The following LRRC7 variants were observed in gnomAD, a reference collection of about 807,000 sequenced individuals.
LRRC7 encodes leucine-rich repeat-containing protein 7.
LRRC7 carries 23 observed loss-of-function variants against 175.7 expected under a neutral mutation model. That is an observed-to-expected ratio of 0.13 (90% CI 0.09 to 0.19). The LOEUF (loss-of-function observed/expected upper bound fraction) is 0.19. Ranked by LOEUF, LRRC7 falls within the 10% of genes least tolerant of loss-of-function variation. The pLI is 1.00. For missense variants in LRRC7, 1,354 were observed against 1,904.7 expected (o/e 0.71, Z 5.38); for synonymous variants, 685 against 680.9 (o/e 1.01, Z -0.09).
chr1:69,905,374 A>C (rs909610217), intron 7 of LRRC7, among the ~76,000 whole-genome samples: 1 of 152,096 alleles, frequency 6.6e-6, no homozygotes, highest in Non-Finnish European at 1.5e-5. Context: ...GTCATTTAGC[A>C]TTAGGTATAT....
chr1:69,776,283 A>G (rs1401384089), intron 3 of LRRC7, among the ~76,000 whole-genome samples: 1 of 152,182 alleles, frequency 6.6e-6, no homozygotes, highest in Non-Finnish European at 1.5e-5. Flanking sequence ...TGGTGTCTGC[A>G]AAACATAACC....
chr1:70,017,044 G>A (rs960074288), intron 14 of LRRC7, among the ~76,000 whole-genome samples: 2 of 152,030 alleles, frequency 1.3e-5, no homozygotes, highest in Admixed American at 1.3e-4. Context: ...TTGGGAGGCC[G>A]AGGCACACAG....
intron 2 of LRRC7, among the ~76,000 whole-genome samples, chr1:69,691,270 C>T (rs569076654): frequency 2.0e-4 from 31 of 152,128 alleles, no homozygotes; most frequent in African/African-American, 7.5e-4. Context: ...GGTTTCAGGA[C>T]CTCCATTCTA....
At chr1:69,794,491 T>A (rs566959181) in intron 4 of LRRC7, among the ~76,000 whole-genome samples, 1 of 152,318 alleles carries the variant, frequency 6.6e-6, no homozygotes, top group East Asian at 1.9e-4. Flanking sequence ...GCTTTGAGAA[T>A]AGATTTACCT....
At chr1:69,725,253 G>T (rs1465088984) in intron 2 of LRRC7, among the ~76,000 whole-genome samples, 1 of 152,056 alleles carries the variant, frequency 6.6e-6, no homozygotes, top group Admixed American at 6.6e-5. Flanking sequence ...ATTGAGTAGG[G>T]GGAGGAGGAG....
At chr1:69,767,900 A>G (rs1461986573) in intron 3 of LRRC7, among the ~76,000 whole-genome samples, 1 of 152,168 alleles carries the variant, frequency 6.6e-6, no homozygotes, top group African/African-American at 2.4e-5. Flanking sequence ...CCAGAAAAAA[A>G]CAGCCTCCAT....
intron 8 of LRRC7, among the ~76,000 whole-genome samples, chr1:69,942,940 A>G (rs533858726): frequency 2.4e-4 from 37 of 152,236 alleles, no homozygotes; most frequent in South Asian, 1.2e-3. Context: ...GACCAACACA[A>G]ATTTGTAAAC....
chr1:69,927,104 A>G (rs1647102251), intron 7 of LRRC7, among the ~76,000 whole-genome samples: 1 of 152,286 alleles, frequency 6.6e-6, no homozygotes, highest in Non-Finnish European at 1.5e-5. Flanking sequence ...TGGGTTGAAA[A>G]TTCTTTCCTT....
rs554936461 is a variant in LRRC7 at position 69,808,514 on chromosome 1, A to G, written c.421+16354A>G. On this transcript the variant is annotated intron_variant, in intron 4 of 26. Transcript: ENST00000651989. ...TAAAATTGACCACATAATTGGAAGT[A>G]AAACACTTCTCAGCAAATGCAAAAG... Among the ~76,000 whole-genome samples the G allele has an allele frequency of 2.7e-3, 414 of 152,238 alleles. 5 individuals carry two copies. The highest frequency in any genetic ancestry group is 0.015 in the South Asian group (72 of 4,832).
intron 3 of LRRC7, among the ~76,000 whole-genome samples, chr1:69,778,051 A>C (rs1055587232): frequency 6.6e-6 from 1 of 152,174 alleles, no homozygotes; most frequent in African/African-American, 2.4e-5. Flanking sequence ...CTGCTCTCTT[A>C]GGAAGTGTTC....
intron 8 of LRRC7, among the ~76,000 whole-genome samples, chr1:69,955,539 T>C (rs1372845563): frequency 6.6e-6 from 1 of 151,898 alleles, no homozygotes; most frequent in South Asian, 2.1e-4. Flanking sequence ...TGAAAGTGTG[T>C]AAAGACAACT....
intron 25 of LRRC7, among the ~76,000 whole-genome samples, chr1:70,098,823 TAATC>T (rs1440705370): frequency 1.3e-5 from 2 of 150,906 alleles, no homozygotes; most frequent in Non-Finnish European, 3.0e-5. Flanking sequence ...ATTGTGGCAA[TAATC>T]AATAGCTTAC....
At chr1:69,647,626 A>G (rs572568784) in intron 1 of LRRC7, among the ~76,000 whole-genome samples, 2 of 152,180 alleles carry the variant, frequency 1.3e-5, no homozygotes, top group East Asian at 1.9e-4. Flanking sequence ...GGCCCCTTCA[A>G]TTTGAAGCTT....
At chr1:70,097,544 C>CTGG (rs1239159070) in intron 25 of LRRC7, among the ~76,000 whole-genome samples, 1 of 151,726 alleles carries the variant, frequency 6.6e-6, no homozygotes, top group African/African-American at 2.4e-5. Flanking sequence ...ATGTGCCATG[C>CTGG]TGGTGCGCTG....
intron 23 of LRRC7, among the ~76,000 whole-genome samples, chr1:70,069,507 CA>C (rs1287373430): frequency 2.6e-5 from 4 of 152,270 alleles, no homozygotes; most frequent in Non-Finnish European, 5.9e-5. Context: ...CAAACTTTAT[CA>C]GAGTCTATTC....
intron 8 of LRRC7, among the ~76,000 whole-genome samples, chr1:69,955,267 G>C (rs138046329): frequency 6.6e-6 from 1 of 152,066 alleles, no homozygotes; most frequent in African/African-American, 2.4e-5. Flanking sequence ...TATTAATCAT[G>C]TGCACTCAGG....
intron 3 of LRRC7, among the ~76,000 whole-genome samples, chr1:69,777,797 C>T (rs1374752651): frequency 6.6e-6 from 1 of 152,206 alleles, no homozygotes; most frequent in Non-Finnish European, 1.5e-5. Flanking sequence ...CTTCATCTCA[C>T]AGCTGACTAA....
chr1:70,072,296 T>C (rs1407271346), intron 23 of LRRC7, among the ~76,000 whole-genome samples: 3 of 152,224 alleles, frequency 2.0e-5, no homozygotes, highest in Non-Finnish European at 2.9e-5. Context: ...AGTGTTCTCA[T>C]AGCTAACCCT....
intron 7 of LRRC7, among the ~76,000 whole-genome samples, chr1:69,872,315 TTAAAG>T (rs1212400427): frequency 1.3e-5 from 2 of 152,028 alleles, no homozygotes; most frequent in African/African-American, 2.4e-5. Context: ...GGGGAGAAAC[TTAAAG>T]TAGAGTAATA....
Sources: gnomAD v4.1 joint callset for allele counts (sites outside exome capture counted in the v4.1 genomes callset) on GRCh38, gnomAD v4.1.1 for gene constraint, MANE v1.5 for transcripts, NCBI Gene and HGNC (gene_info 2026-07-23, HGNC 2026-07-21) for gene names.